Variants in STIM1 observed in about 807,000 individuals in gnomAD.
STIM1 encodes the protein stromal interaction molecule 1.
Under a neutral mutation model 74.7 loss-of-function variants are expected in STIM1, and 25 were observed. That is an observed-to-expected ratio of 0.33 (90% confidence interval 0.24 to 0.47). STIM1 has a LOEUF of 0.47. Among genes scored for constraint, STIM1 ranks in the 20% least tolerant of loss-of-function variants. STIM1 has a pLI of 1.00. For synonymous variants in STIM1, 328 were observed against 348.8 expected (o/e 0.94, Z 0.66); for missense variants, 728 against 920.8 (o/e 0.79, Z 2.71).
chr11:4,002,129 A>G (rs527727850), intron 2 of STIM1, among the ~76,000 whole-genome samples: 3,233 of 142,390 alleles, frequency 0.023, 98 homozygotes, highest in African/African-American at 0.076. Flanking sequence ...CTCCCACACA[A>G]TAATAATGGG....
At chr11:3,877,956 G>T (rs143871506) in intron 1 of STIM1, among the ~76,000 whole-genome samples, 17 of 152,288 alleles carry the variant, frequency 1.1e-4, no homozygotes, top group African/African-American at 4.1e-4. Flanking sequence ...GGAATTGTTT[G>T]GCTTTCAGGT....
chr11:4,088,926 A>G (rs1469925997), intron 12 of STIM1: 2 of 581,888 alleles, frequency 3.4e-6, no homozygotes, highest in African/African-American at 3.7e-5. Flanking sequence ...AGCTGATGAG[A>G]GAGGCATAGA....
intron 3 of STIM1, among the ~76,000 whole-genome samples, chr11:4,047,543 G>T (rs1452821609): frequency 6.6e-6 from 1 of 152,180 alleles, no homozygotes. Flanking sequence ...ATGAACCTGG[G>T]AGGCGGAGGC....
At chr11:4,081,544 A>G (rs1314360008) in intron 7 of STIM1, among the ~76,000 whole-genome samples, 2 of 152,226 alleles carry the variant, frequency 1.3e-5, no homozygotes, top group Non-Finnish European at 2.9e-5. Context: ...AGCATTCAGG[A>G]CAATGCCCTT....
At chr11:3,915,049 A>G (rs964098252) in intron 1 of STIM1, among the ~76,000 whole-genome samples, 8 of 151,776 alleles carry the variant, frequency 5.3e-5, no homozygotes, top group Non-Finnish European at 4.4e-5. Flanking sequence ...CTTATTGGCC[A>G]TTTGTATGTC....
intron 1 of STIM1, among the ~76,000 whole-genome samples, chr11:3,912,194 C>T: frequency 9.9e-6 from 1 of 100,952 alleles, no homozygotes; most frequent in Non-Finnish European, 2.1e-5. Context: ...CCCTCCCCTC[C>T]CTTCTCCCCT....
intron 3 of STIM1, among the ~76,000 whole-genome samples, chr11:4,042,357 C>T (rs1358367420): frequency 1.3e-5 from 2 of 152,162 alleles, no homozygotes; most frequent in East Asian, 3.8e-4. Flanking sequence ...TATTTTTTAT[C>T]CCCTTAACCC....
chr11:4,065,641 C>T lies in STIM1; in HGVS notation c.614-4385C>T, dbSNP rs575150639. ...AGTTATATGGAAGGAGGCTGGGCCTCTCCAGACTACAGAAGTGAGGGGATT... is the reference window on the plus strand; with the variant it reads ...AGTTATATGGAAGGAGGCTGGGCCTTTCCAGACTACAGAAGTGAGGGGATT... On this transcript the variant is annotated intron_variant, in intron 5 of 12. Transcript: ENST00000526596. 3.9e-5 allele frequency among the ~76,000 whole-genome samples: 6 copies of T among 152,256 alleles called. No individual in the cohort carries two copies. In the East Asian group the frequency reaches 5.8e-4, roughly 15 times the overall value.
intron 7 of STIM1, among the ~76,000 whole-genome samples, chr11:4,081,930 T>C (rs139374613): frequency 6.6e-6 from 1 of 152,372 alleles, no homozygotes; most frequent in East Asian, 1.9e-4. Flanking sequence ...GCTGATGTGA[T>C]AGAAAAGAAT....
chr11:3,856,041 C>T lies in STIM1; in HGVS notation c.-230C>T, dbSNP rs2090353339. 3.5e-6 allele frequency: 2 copies of T among 569,918 alleles called. No individual in the cohort carries two copies. Among genetic ancestry groups the T allele is most frequent in the South Asian group, 2.0e-5 (1 of 50,180 alleles). 35.3% of individuals were successfully genotyped at this position (569,918 alleles called of 1,614,324 possible). On this transcript the variant is annotated 5_prime_UTR_variant, in exon 1 of 13. Coordinates refer to ENST00000526596, the MANE Select transcript of STIM1 (RefSeq NM_001382567.1). ...GCGGCACGAGCTCAGGCCGCCGCAG[C>T]CCCGGCGGACCCACTGTTGGACCTG...
intron 1 of STIM1, among the ~76,000 whole-genome samples, chr11:3,933,373 G>C (rs770982307): frequency 1.1e-4 from 17 of 152,326 alleles, no homozygotes; most frequent in South Asian, 4.1e-4. Context: ...TCCCTGTAAT[G>C]CTCTAAAGTA....
At chr11:3,978,302 C>G (rs1387922240) in intron 2 of STIM1, among the ~76,000 whole-genome samples, 1 of 151,660 alleles carries the variant, frequency 6.6e-6, no homozygotes, top group Admixed American at 6.6e-5. Flanking sequence ...GCATGCACCA[C>G]CACGCCTGGC....
chr11:4,063,818 A>G (rs2094348051), intron 5 of STIM1, among the ~76,000 whole-genome samples: 1 of 152,148 alleles, frequency 6.6e-6, no homozygotes, highest in African/African-American at 2.4e-5. Flanking sequence ...GGTGTGTTTT[A>G]TGATTTGTAT....
intron 5 of STIM1, among the ~76,000 whole-genome samples, chr11:4,069,448 G>A (rs2094389868): frequency 6.6e-6 from 1 of 152,060 alleles, no homozygotes. Flanking sequence ...TAGAGTCTCT[G>A]GATTTCACAG....
chr11:3,986,664 G>T (rs1388846635), intron 2 of STIM1, among the ~76,000 whole-genome samples: 1 of 152,142 alleles, frequency 6.6e-6, no homozygotes, highest in Non-Finnish European at 1.5e-5. Context: ...AGCATTCCAG[G>T]AAAGGGGAAC....
At chr11:3,898,914 T>G (rs2092269159) in intron 1 of STIM1, among the ~76,000 whole-genome samples, 1 of 151,912 alleles carries the variant, frequency 6.6e-6, no homozygotes, top group Non-Finnish European at 1.5e-5. Context: ...TTTTGGTTAC[T>G]GTAGCTTTGT....
At position 3,910,040 on chromosome 11, in the gene STIM1, G is replaced by A. The variant is rs115749809; in HGVS notation, c.139+53631G>A. On this transcript the variant is annotated intron_variant, in intron 1 of 12. Coordinates refer to ENST00000526596, the MANE Select transcript of STIM1 (RefSeq NM_001382567.1). ...TGAAAGAAAAAAATATGTTTGAGCA[G>A]CCATGAGTAGGAAGGGAAGCATAAT... Among the ~76,000 whole-genome samples the A allele has an allele frequency of 4.4e-3, 665 of 152,202 alleles. 2 individuals carry two copies. Among genetic ancestry groups the A allele is most frequent in the African/African-American group, 0.015 (633 of 41,518 alleles).
chr11:3,992,559 G>A (rs1479472930), intron 2 of STIM1, among the ~76,000 whole-genome samples: 2 of 152,122 alleles, frequency 1.3e-5, no homozygotes, highest in Admixed American at 1.3e-4. Context: ...CTCCCATTCT[G>A]TGGGTTGCTT....
At chr11:3,920,308 AT>A (rs2092702383) in intron 1 of STIM1, among the ~76,000 whole-genome samples, 1 of 151,880 alleles carries the variant, frequency 6.6e-6, no homozygotes, top group Non-Finnish European at 1.5e-5. Context: ...CCACTATCTA[AT>A]TTCAGAACAT....
Sources: allele counts gnomAD v4.1 joint callset (sites outside exome capture counted in the v4.1 genomes callset), GRCh38; gene constraint gnomAD v4.1.1; transcripts MANE v1.5; gene names NCBI Gene and HGNC (gene_info 2026-07-23, HGNC 2026-07-21).